CAST: variants seen among roughly 807,000 people sequenced by gnomAD.
CAST encodes calpastatin, also known as MIR583 host.
In CAST, 76 loss-of-function variants were observed where a neutral mutation model predicts 119.6. The ratio of observed to expected loss-of-function variants is 0.64; its 90% CI spans 0.53 to 0.77. CAST has a LOEUF of 0.77. Ranked by LOEUF, CAST falls within the 30% of genes least tolerant of loss-of-function variation. CAST has a pLI of 0.00. For synonymous variants in CAST, 319 were observed against 331.6 expected, an observed-to-expected ratio of 0.96 and a Z score of 0.41; for missense variants, 953 against 946.5, an observed-to-expected ratio of 1.01 and a Z score of -0.09.
At chr5:96,358,694 C>T in the CAST span, among the ~76,000 whole-genome samples, 6 of 152,142 alleles carry the variant, frequency 3.9e-5, no homozygotes, top group East Asian at 7.7e-4. Context: ...TGGTCTAAGA[C>T]ACTGTTTGTT....
chr5:96,600,628 C>T (rs568206674), intron 1 of CAST, among the ~76,000 whole-genome samples: 12 of 152,040 alleles, frequency 7.9e-5, no homozygotes, highest in African/African-American at 2.2e-4. Flanking sequence ...TCCTCTTTTT[C>T]GGAAAAACCC....
At chr5:96,235,517 G>T in the CAST span, among the ~76,000 whole-genome samples, 1 of 152,220 alleles carries the variant, frequency 6.6e-6, no homozygotes, top group Non-Finnish European at 1.5e-5. Context: ...TTAGTTTAAT[G>T]GTAATTATTT....
chr5:96,417,544 A>G, the CAST span, among the ~76,000 whole-genome samples: 3 of 152,084 alleles, frequency 2.0e-5, no homozygotes, highest in South Asian at 4.2e-4. Context: ...CATGTGAGTC[A>G]TATGGGTCTT....
chr5:96,297,176 A>C, the CAST span, among the ~76,000 whole-genome samples: 1 of 152,184 alleles, frequency 6.6e-6, no homozygotes, highest in Non-Finnish European at 1.5e-5. Flanking sequence ...GATGTGTAGC[A>C]TTTGATAAAG....
At chr5:96,662,320 G>GCTCCCTCCCTTCCTCCCTCCCTCTCTCC (rs1748628933), upstream of CAST, 1 of 809,704 alleles carries the variant, frequency 1.2e-6, no homozygotes, top group African/African-American at 2.7e-5. Context: ...CGGGCCCTCC[G>GCTCCCTCCCTTCCTCCCTCCCTCTCTCC]CTCCCTCCCT....
At chr5:96,545,481 T>C (rs1462371831) in intron 1 of CAST, among the ~76,000 whole-genome samples, 4 of 152,180 alleles carry the variant, frequency 2.6e-5, no homozygotes, top group Non-Finnish European at 5.9e-5. Context: ...CAAATCCATA[T>C]ACTGAATTTT....
chr5:96,576,180 T>C (rs1446934756), intron 1 of CAST, among the ~76,000 whole-genome samples: 1 of 152,210 alleles, frequency 6.6e-6, no homozygotes, highest in Non-Finnish European at 1.5e-5. Context: ...TTTCTTTTTT[T>C]ACTATCTTTG....
chr5:96,602,489 C>A (rs144283979), intron 1 of CAST, among the ~76,000 whole-genome samples: 3 of 152,182 alleles, frequency 2.0e-5, no homozygotes, highest in African/African-American at 7.2e-5. Context: ...CAATGGCTCA[C>A]GCCTGTAATC....
chr5:96,561,364 G>GAA (rs55711512), intron 1 of CAST, among the ~76,000 whole-genome samples: 1 of 149,868 alleles, frequency 6.7e-6, no homozygotes, highest in Non-Finnish European at 1.5e-5. Flanking sequence ...ATAAAAAAAA[G>GAA]AAAAAAAGGA....
chr5:96,354,182 AG>A, the CAST span, among the ~76,000 whole-genome samples: 1 of 152,210 alleles, frequency 6.6e-6, no homozygotes. Flanking sequence ...ACCAAGTGAG[AG>A]CCCCTGCTCA....
the CAST span, chr5:96,408,289 G>T: frequency 6.2e-7 from 1 of 1,614,060 alleles, no homozygotes; most frequent in South Asian, 1.1e-5. Flanking sequence ...GCCTGTGTGC[G>T]TCTCCGTGCA....
the CAST span, among the ~76,000 whole-genome samples, chr5:96,221,623 G>A: frequency 6.6e-6 from 1 of 152,074 alleles, no homozygotes; most frequent in East Asian, 1.9e-4. Flanking sequence ...ACAAACAAAT[G>A]GGAAAACAGT....
chr5:96,382,398 T>G, the CAST span, among the ~76,000 whole-genome samples: 2 of 152,188 alleles, frequency 1.3e-5, no homozygotes, highest in South Asian at 4.1e-4. Flanking sequence ...AGTGAAACCA[T>G]CCATGTACTG....
chr5:96,288,990 G>A, the CAST span, among the ~76,000 whole-genome samples: 2 of 151,778 alleles, frequency 1.3e-5, no homozygotes, highest in Non-Finnish European at 2.9e-5. Flanking sequence ...GCAATCAATA[G>A]TTTGGATTGC....
At chr5:96,059,083 T>C in the CAST span, among the ~76,000 whole-genome samples, 1 of 152,116 alleles carries the variant, frequency 6.6e-6, no homozygotes, top group Non-Finnish European at 1.5e-5. Flanking sequence ...TTTTTTTTGT[T>C]AGAGATGAGA....
In CAST at chr5:96,774,491, C is replaced by G; in HGVS notation, c.*1875C>G. 1 of 986,224 alleles carries G rather than the reference C, an allele frequency of 1.0e-6. No homozygotes were observed. Among genetic ancestry groups the G allele is most frequent in the Non-Finnish European group, 1.2e-6 (1 of 829,392 alleles). 61.1% of individuals were successfully genotyped at this position (986,224 alleles called of 1,614,324 possible). Reference sequence around the variant, plus strand: ...ATAATTGCAAATATCCACTTAGAGGCAAAGAACAATTTTTTATTATCAAAA... The same window carrying G: ...ATAATTGCAAATATCCACTTAGAGGGAAAGAACAATTTTTTATTATCAAAA... On this transcript the variant is annotated 3_prime_UTR_variant, in exon 32 of 32. Transcript: ENST00000675179.
At chr5:96,628,351 G>A (rs11960506) in intron 1 of CAST, among the ~76,000 whole-genome samples, 25,276 of 152,140 alleles carry the variant, frequency 0.17, 3,083 homozygotes, top group African/African-American at 0.36. Context: ...GCAATAATGA[G>A]TTCAACTCTT....
At chr5:96,768,393 TTTA>T (rs1208258355) in intron 29 of CAST, 5 of 456,482 alleles carry the variant, frequency 1.1e-5, no homozygotes, top group Non-Finnish European at 2.2e-5. Context: ...CCTTACAATT[TTTA>T]AACTGTAGAA....
intron 1 of CAST, among the ~76,000 whole-genome samples, chr5:96,574,515 T>A (rs985503151): frequency 6.6e-6 from 1 of 152,236 alleles, no homozygotes; most frequent in Admixed American, 6.5e-5. Context: ...ACATGGGCTT[T>A]CACATAGCAA....
Sources: gnomAD v4.1 joint callset for allele counts (sites outside exome capture counted in the v4.1 genomes callset) on GRCh38, gnomAD v4.1.1 for gene constraint, MANE v1.5 for transcripts, NCBI Gene and HGNC (gene_info 2026-07-23, HGNC 2026-07-21) for gene names.